TSHR: variants seen among roughly 807,000 people sequenced by gnomAD.
TSHR encodes the protein thyroid stimulating hormone receptor.
In TSHR, 51 loss-of-function variants were observed where a neutral mutation model predicts 64.1. The observed-to-expected ratio is 0.80, with a 90% CI of 0.64 to 1.01. The LOEUF (loss-of-function observed/expected upper bound fraction) is 1.01. TSHR is among the 50% of genes least tolerant of loss of function. TSHR has a pLI of 0.00. For missense variants in TSHR, 877 were observed against 942.8 expected (o/e 0.93, Z 0.91); for synonymous variants, 361 against 361.9 (o/e 1.00, Z 0.03).
At chr14:81,011,129 A>G (rs1353731930) in intron 1 of TSHR, among the ~76,000 whole-genome samples, 1 of 152,222 alleles carries the variant, frequency 6.6e-6, no homozygotes, top group Non-Finnish European at 1.5e-5. Context: ...TGTACGATCC[A>G]GGCCCAGTTT....
intron 1 of TSHR, among the ~76,000 whole-genome samples, chr14:80,965,285 T>G (rs1887244643): frequency 6.6e-6 from 1 of 152,246 alleles, no homozygotes; most frequent in Non-Finnish European, 1.5e-5. Flanking sequence ...ATTCTGCATT[T>G]ATGAGAACAG....
At chr14:80,955,994 ATGTG>A in intron 1 of TSHR, 144 bp downstream of exon 1, 1 of 994,848 alleles carries the variant, frequency 1.0e-6, no homozygotes, top group Non-Finnish European at 1.5e-6. Context: ...GTGTGTGTAG[ATGTG>A]TGTGTGTGCT....
In TSHR at chr14:81,068,293, A is replaced by G; in HGVS notation, c.282A>G (p.Ser94=). The part of the protein sequence containing the change: ...SIDVTLQQLE[S]HSFYNLSKVT... ...ATGTGACTCTGCAGCAGCTGGAATC[A>G]CACTCCTTCTACAATTTGAGTAAAG... Residue 94 remains serine, a synonymous_variant, in exon 3 of 10, where the codon TCA becomes TCG. Transcript: ENST00000298171. 6.2e-7 allele frequency: 1 copy of G among 1,613,236 alleles called. No homozygotes were observed. The highest frequency in any genetic ancestry group is 1.1e-5 in the South Asian group (1 of 91,074).
chr14:81,081,770 C>T (rs561902505), intron 3 of TSHR, among the ~76,000 whole-genome samples: 8 of 152,202 alleles, frequency 5.3e-5, no homozygotes, highest in African/African-American at 1.9e-4. Flanking sequence ...AATATATACA[C>T]ATCTTATTTT....
chr14:80,978,355 C>T (rs1887998213), intron 1 of TSHR, among the ~76,000 whole-genome samples: 1 of 152,152 alleles, frequency 6.6e-6, no homozygotes, highest in Admixed American at 6.5e-5. Context: ...CTTTCTCAGA[C>T]CAATTCCAGT....
intron 1 of TSHR, among the ~76,000 whole-genome samples, chr14:80,984,903 T>TC (rs1320944148): frequency 6.6e-6 from 1 of 152,114 alleles, no homozygotes; most frequent in Non-Finnish European, 1.5e-5. Context: ...TACTTTATCT[T>TC]CCCCAAAGAG....
At chr14:81,141,720 C>A (rs1350652245) in intron 9 of TSHR, among the ~76,000 whole-genome samples, 1 of 152,066 alleles carries the variant, frequency 6.6e-6, no homozygotes, top group Non-Finnish European at 1.5e-5. Flanking sequence ...CCCAGCCTGG[C>A]CAACATGGTG....
intron 1 of TSHR, among the ~76,000 whole-genome samples, chr14:81,037,419 C>CAAAAAAAAAAAAAAAAAAAAAAAAAAAAA (rs748986847): frequency 5.0e-5 from 5 of 99,052 alleles, no homozygotes; most frequent in South Asian, 3.7e-4. Flanking sequence ...AAAGGAAATA[C>CAAAAAAAAAAAAAAAAAAAAAAAAAAAAA]AAAACAAACA....
At chr14:81,039,461 T>A (rs1884816036) in intron 1 of TSHR, among the ~76,000 whole-genome samples, 1 of 151,632 alleles carries the variant, frequency 6.6e-6, no homozygotes, top group Admixed American at 6.6e-5. Flanking sequence ...AACACTTTCA[T>A]CTACCCAGAG....
intron 8 of TSHR, among the ~76,000 whole-genome samples, chr14:81,136,896 C>T (rs764805087): frequency 6.6e-6 from 1 of 152,172 alleles, no homozygotes; most frequent in Non-Finnish European, 1.5e-5. Context: ...TGGAGACTTA[C>T]TGCACCTGGA....
At chr14:81,097,627 G>A (rs941123286) in intron 7 of TSHR, among the ~76,000 whole-genome samples, 5 of 152,192 alleles carry the variant, frequency 3.3e-5, no homozygotes, top group African/African-American at 4.8e-5. Flanking sequence ...CCTATGCAGT[G>A]GCTCTGGATG....
At chr14:81,108,781 G>C in intron 8 of TSHR, 1 of 1,594,286 alleles carries the variant, frequency 6.3e-7, no homozygotes, top group Non-Finnish European at 8.5e-7. Context: ...TCCACAACTA[G>C]ATGGAAGGCA....
chr14:80,999,227 A>G (rs563616843), intron 1 of TSHR, among the ~76,000 whole-genome samples: 1 of 152,240 alleles, frequency 6.6e-6, no homozygotes, highest in South Asian at 2.1e-4. Context: ...CTCATTTTTG[A>G]AGAATTCTGT....
At chr14:81,087,715 A>C in intron 3 of TSHR, 2 of 558,340 alleles carry the variant, frequency 3.6e-6, no homozygotes, top group Non-Finnish European at 6.4e-6. Flanking sequence ...CATAAATTAA[A>C]GTGGACAGAA....
intron 7 of TSHR, among the ~76,000 whole-genome samples, chr14:81,107,604 G>A (rs1889978067): frequency 6.6e-6 from 1 of 152,094 alleles, no homozygotes; most frequent in South Asian, 2.1e-4. Flanking sequence ...TGCCCAGTGT[G>A]TTTTTAAAAT....
intron 8 of TSHR, among the ~76,000 whole-genome samples, chr14:81,127,497 G>C (rs1390293726): frequency 2.0e-5 from 3 of 152,076 alleles, no homozygotes; most frequent in Non-Finnish European, 4.4e-5. Context: ...GGCTATGCTT[G>C]TGTTTCAGCT....
At chr14:81,082,400 C>T (rs930852732) in intron 3 of TSHR, among the ~76,000 whole-genome samples, 6 of 152,178 alleles carry the variant, frequency 3.9e-5, no homozygotes, top group Non-Finnish European at 5.9e-5. Flanking sequence ...GCCTCTGTAT[C>T]CCTGCTTTCA....
intron 8 of TSHR, among the ~76,000 whole-genome samples, chr14:81,126,031 A>C (rs539604815): frequency 4.6e-4 from 70 of 152,234 alleles, no homozygotes; most frequent in Non-Finnish European, 9.1e-4. Context: ...TTTTCAGAAC[A>C]GAAGAGTCAC....
intron 1 of TSHR, among the ~76,000 whole-genome samples, chr14:80,979,172 A>G (rs1008998175): frequency 6.6e-6 from 1 of 152,196 alleles, no homozygotes; most frequent in Non-Finnish European, 1.5e-5. Context: ...CCTGGAGGAT[A>G]TCATGTTAAG....
Sources: allele counts gnomAD v4.1 joint callset (sites outside exome capture counted in the v4.1 genomes callset), GRCh38; gene constraint gnomAD v4.1.1; transcripts MANE v1.5; gene names NCBI Gene and HGNC (gene_info 2026-07-23, HGNC 2026-07-21).